The following XPOT variants were observed in gnomAD, a reference collection of about 807,000 sequenced individuals.
XPOT encodes exportin-T.
In XPOT, 34 loss-of-function variants were observed where a neutral mutation model predicts 128.2. The ratio of observed to expected loss-of-function variants is 0.27; its 90% CI spans 0.20 to 0.35. The LOEUF (loss-of-function observed/expected upper bound fraction) is 0.35, where lower values mean the gene tolerates loss of function less well. Among genes scored for constraint, XPOT ranks in the 10% least tolerant of loss-of-function variants. The pLI is 1.00. For synonymous variants in XPOT, 348 were observed against 394.3 expected, an observed-to-expected ratio of 0.88 and a Z score of 1.39; for missense variants, 838 against 1,125.3, an observed-to-expected ratio of 0.74 and a Z score of 3.65.
intron 18 of XPOT, among the ~76,000 whole-genome samples, chr12:64,433,094 C>T (rs1023432768): frequency 2.0e-5 from 3 of 152,032 alleles, no homozygotes; most frequent in South Asian, 4.2e-4. Context: ...TACAGGCGTG[C>T]GCCACTACAC....
chr12:64,434,410 A>G, intron 19 of XPOT, 97 bp from the exon 20 acceptor site: 1 of 761,270 alleles, frequency 1.3e-6, no homozygotes, highest in Non-Finnish European at 2.2e-6. Flanking sequence ...CCACCTGTAA[A>G]TGATTTTTGA....
intron 2 of XPOT, 107 bp downstream of exon 2, chr12:64,410,202 C>T: frequency 2.1e-6 from 2 of 961,416 alleles, no homozygotes; most frequent in Non-Finnish European, 3.2e-6. Flanking sequence ...TAGAAATGAA[C>T]AGAAACAAAA....
At chr12:64,432,069 G>A (rs1056223714) in intron 18 of XPOT, among the ~76,000 whole-genome samples, 2 of 152,110 alleles carry the variant, frequency 1.3e-5, no homozygotes, top group Admixed American at 1.3e-4. Context: ...AAGAAAACTA[G>A]TCTGCTGTTT....
At chr12:64,417,361 T>C (rs1177029104) in intron 4 of XPOT, among the ~76,000 whole-genome samples, 1 of 152,066 alleles carries the variant, frequency 6.6e-6, no homozygotes, top group South Asian at 2.1e-4. Context: ...CTAGGCAACA[T>C]AGTGAGACCT....
At chr12:64,406,863 T>TA (rs1172811585) in intron 1 of XPOT, among the ~76,000 whole-genome samples, 1 of 152,168 alleles carries the variant, frequency 6.6e-6, no homozygotes, top group Non-Finnish European at 1.5e-5. Context: ...TTCTGTCTTT[T>TA]AAAAATGCTG....
At chr12:64,427,725 T>C (rs942175118) in intron 15 of XPOT, among the ~76,000 whole-genome samples, 4 of 152,068 alleles carry the variant, frequency 2.6e-5, no homozygotes, top group African/African-American at 9.7e-5. Flanking sequence ...ATTCTTTAGC[T>C]CAGTCTTCCC....
intron 1 of XPOT, chr12:64,405,483 A>T (rs907733483): frequency 7.2e-5 from 11 of 152,132 alleles, no homozygotes; most frequent in African/African-American, 2.7e-4. Flanking sequence ...GTGTAGAGGA[A>T]TTTTTCCAAA....
intron 1 of XPOT, 164 bp downstream of exon 1, chr12:64,404,968 T>G (rs999944645): frequency 1.4e-5 from 2 of 146,834 alleles, no homozygotes; most frequent in Non-Finnish European, 1.5e-5. Context: ...GCGGACCGGG[T>G]GGGGGTGGGT....
chr12:64,438,131 G>T (rs1275984928), intron 22 of XPOT, among the ~76,000 whole-genome samples: 2 of 152,172 alleles, frequency 1.3e-5, no homozygotes, highest in African/African-American at 4.8e-5. Context: ...AAAGGAAACA[G>T]TAAGGATGGT....
intron 22 of XPOT, among the ~76,000 whole-genome samples, chr12:64,436,288 C>T (rs2040281547): frequency 6.6e-6 from 1 of 151,972 alleles, no homozygotes; most frequent in Non-Finnish European, 1.5e-5. Flanking sequence ...CAGGGTCTCA[C>T]TCTGTCACTC....
At chr12:64,445,356 A>G (rs1054938966) in intron 24 of XPOT, among the ~76,000 whole-genome samples, 3 of 152,208 alleles carry the variant, frequency 2.0e-5, no homozygotes, top group African/African-American at 7.2e-5. Flanking sequence ...TTAAATAGAA[A>G]CTAGAGGGAT....
intron 15 of XPOT, among the ~76,000 whole-genome samples, chr12:64,427,276 C>A (rs535652588): frequency 1.1e-4 from 16 of 151,878 alleles, no homozygotes; most frequent in Admixed American, 7.9e-4. Context: ...TCCATCGCCA[C>A]ACCCGGCTAA....
At chr12:64,420,946 G>A (rs562874934) in intron 8 of XPOT, among the ~76,000 whole-genome samples, 1 of 152,042 alleles carries the variant, frequency 6.6e-6, no homozygotes, top group African/African-American at 2.4e-5. Context: ...GATTACAGGC[G>A]CATGCCACTA....
intron 1 of XPOT, among the ~76,000 whole-genome samples, chr12:64,409,100 T>C (rs1018820782): frequency 2.6e-5 from 4 of 151,930 alleles, no homozygotes. Context: ...AAATGACTGG[T>C]TTTTCATTAT....
intron 1 of XPOT, among the ~76,000 whole-genome samples, chr12:64,405,545 G>A (rs553910333): frequency 6.6e-6 from 1 of 152,330 alleles, no homozygotes; most frequent in South Asian, 2.1e-4. Flanking sequence ...AATATTTTAA[G>A]TATGTTGCTT....
chr12:64,417,166 G>A (rs2040095215), intron 4 of XPOT, among the ~76,000 whole-genome samples: 1 of 152,148 alleles, frequency 6.6e-6, no homozygotes, highest in African/African-American at 2.4e-5. Context: ...GCAGTGAGCC[G>A]GGATCACACC....
At chr12:64,419,824 G>A (rs2040121793) in intron 6 of XPOT, among the ~76,000 whole-genome samples, 1 of 152,138 alleles carries the variant, frequency 6.6e-6, no homozygotes, top group Non-Finnish European at 1.5e-5. Context: ...CTTAAAATAT[G>A]CTTAAGATTT....
At chr12:64,429,655 G>A (rs973996773) in intron 16 of XPOT, among the ~76,000 whole-genome samples, 1 of 152,066 alleles carries the variant, frequency 6.6e-6, no homozygotes, top group Non-Finnish European at 1.5e-5. Flanking sequence ...TGACCAGGCT[G>A]GTCACGAACT....
intron 4 of XPOT, 23 bp from the exon 5 acceptor site, chr12:64,418,023 T>C: frequency 1.9e-6 from 3 of 1,590,022 alleles, no homozygotes; most frequent in Non-Finnish European, 2.6e-6. Context: ...GCCATTATTC[T>C]TTTTCTTCTC....
Sources: allele counts gnomAD v4.1 joint callset (sites outside exome capture counted in the v4.1 genomes callset), GRCh38; gene constraint gnomAD v4.1.1; transcripts MANE v1.5; gene names NCBI Gene and HGNC (gene_info 2026-07-23, HGNC 2026-07-21).